TRANK1: variants seen among roughly 807,000 people sequenced by gnomAD.
TRANK1 encodes tetratricopeptide repeat and ankyrin repeat containing 1.
TRANK1 carries 198 observed loss-of-function variants against 266.0 expected under a neutral mutation model. The observed-to-expected ratio is 0.74, with a 90% CI of 0.66 to 0.84. The LOEUF is 0.84. Among genes scored for constraint, TRANK1 ranks in the 40% least tolerant of loss-of-function variants. The pLI is 0.00. For synonymous variants in TRANK1, 1,396 were observed against 1,384.1 expected (o/e 1.01, Z -0.19); for missense variants, 3,326 against 3,634.6 (o/e 0.92, Z 2.18).
chr3:36,900,142 G>A (rs921752069), intron 3 of TRANK1, among the ~76,000 whole-genome samples: 6 of 152,168 alleles, frequency 3.9e-5, no homozygotes, highest in Admixed American at 2.6e-4. Context: ...TATGAAGCCG[G>A]GGTGCAGTGC....
chr3:36,936,636 G>A (rs2080429261), intron 1 of TRANK1, among the ~76,000 whole-genome samples: 1 of 152,048 alleles, frequency 6.6e-6, no homozygotes, highest in Non-Finnish European at 1.5e-5. Flanking sequence ...CAAAAAAAAA[G>A]GATGAAGAGT....
At position 36,831,840 on chromosome 3, in the gene TRANK1, G is replaced by A; in HGVS notation, c.7743C>T (p.Cys2581=). The change falls in exon 22 of 24, where the codon TGC becomes TGT. Residue 2581 remains cysteine (C), a synonymous_variant. Transcript: ENST00000645898. This position sits in a 1 kb window ranked among gnomAD's most constrained non-coding sequence, Gnocchi z 5.0. ...VNAEEILQPY[C]KPLLYRHFRE... is the part of the protein sequence containing the mutation. ...GGAAGTGGCGATACAGGAGAGGCTT[G>A]CAGTATGGCTGCAGGATCTCCTCAG... 1 of 1,614,008 alleles carries A rather than the reference G, an allele frequency of 6.2e-7. No individual in the cohort carries two copies. Among genetic ancestry groups the A allele is most frequent in the Non-Finnish European group, 8.5e-7 (1 of 1,179,892 alleles).
At chr3:36,925,342 A>G (rs2080273007) in intron 1 of TRANK1, among the ~76,000 whole-genome samples, 1 of 152,192 alleles carries the variant, frequency 6.6e-6, no homozygotes, top group Non-Finnish European at 1.5e-5. Flanking sequence ...AACCTGCACC[A>G]TAGGGTTAAG....
chr3:36,925,842 C>T (rs2080281261), intron 1 of TRANK1, among the ~76,000 whole-genome samples: 1 of 152,100 alleles, frequency 6.6e-6, no homozygotes, highest in Non-Finnish European at 1.5e-5. Context: ...CCTTGGCCTC[C>T]CAAACTGTTG....
rs1316883699 is a variant in TRANK1, at chr3:36,858,796, C to T, written c.1594G>A (p.Ala532Thr). 29 of 1,537,092 alleles carry T rather than the reference C, an allele frequency of 1.9e-5. No individual in the cohort carries two copies. The highest frequency in any genetic ancestry group is 2.4e-5 in the East Asian group (1 of 40,932). The change falls in exon 12 of 24, where the codon GCA (alanine) becomes ACA (threonine). Residue 532 changes from alanine (A) to threonine (T), a missense_variant. Coordinates refer to ENST00000645898, the MANE Select transcript of TRANK1 (RefSeq NM_001329998.2). ...GTGAGAGAAATAGCACGGGGGTCTG[C>T]GCCCTTGGTCAAGAGAAGGAAAGCC... ...ELAFLLLTKGADPRAISLTEG... is the reference protein window; with the variant it reads ...ELAFLLLTKGTDPRAISLTEG...
At chr3:36,858,594 G>T (rs2079091325) in intron 12 of TRANK1, 124 bp downstream of exon 12, 11 of 1,192,016 alleles carry the variant, frequency 9.2e-6, no homozygotes, top group East Asian at 2.7e-5. Flanking sequence ...GGCAGGCCTG[G>T]CCAAGAAATG....
chr3:36,941,906 TC>T (rs2080501861), intron 1 of TRANK1, among the ~76,000 whole-genome samples: 1 of 152,190 alleles, frequency 6.6e-6, no homozygotes, highest in Admixed American at 6.5e-5. Flanking sequence ...CACTGACATG[TC>T]AGCCCCACCT....
At chr3:36,892,080 A>G (rs1039052101) in intron 7 of TRANK1, 122 bp downstream of exon 7, 8 of 1,200,448 alleles carry the variant, frequency 6.7e-6, no homozygotes, top group African/African-American at 4.6e-5. Flanking sequence ...TAATCAGATC[A>G]TTTGAATATT....
intron 6 of TRANK1, 35 bp downstream of exon 6, chr3:36,892,866 T>TATATAG (rs750978446): frequency 1.5e-6 from 1 of 651,010 alleles, no homozygotes; most frequent in Non-Finnish European, 2.1e-6. Context: ...TATATATATA[T>TATATAG]ATATAGATAT....
intron 8 of TRANK1, among the ~76,000 whole-genome samples, chr3:36,877,393 A>C (rs959061916): frequency 6.6e-6 from 1 of 152,166 alleles, no homozygotes; most frequent in Non-Finnish European, 1.5e-5. Flanking sequence ...AATTTAAATA[A>C]AATTAAAATG....
rs373334919 is a variant in TRANK1 at position 36,857,238 on chromosome 3, G to A, written c.2484C>T (p.Asp828=). ...STQEIEACLQ[D]FDNMTWEIEC... is the part of the protein sequence containing the mutation. Reference sequence around the variant, plus strand: ...CGATCTCCCAGGTCATGTTATCGAAGTCCTGGAGGCAGGCCTCAATCTCCT... The same window carrying A: ...CGATCTCCCAGGTCATGTTATCGAAATCCTGGAGGCAGGCCTCAATCTCCT... Residue 828 remains aspartate, a synonymous_variant, in exon 13 of 24, where the codon GAC becomes GAT. Transcript: ENST00000645898. This position sits in a 1 kb window ranked among gnomAD's most constrained non-coding sequence, Gnocchi z 4.3. The A allele has an allele frequency of 5.6e-6, 9 of 1,613,420 alleles. No individual in the cohort carries two copies. In the African/African-American group the frequency reaches 1.2e-4, roughly 22 times the overall value.
intron 15 of TRANK1, among the ~76,000 whole-genome samples, chr3:36,847,967 C>G (rs2078937566): frequency 6.6e-6 from 1 of 152,186 alleles, no homozygotes; most frequent in South Asian, 2.1e-4. Context: ...ATGTCTAGTA[C>G]AATGTTTAAT....
At chr3:36,863,332 AC>A (rs2079170351) in intron 10 of TRANK1, among the ~76,000 whole-genome samples, 1 of 152,216 alleles carries the variant, frequency 6.6e-6, no homozygotes, top group Admixed American at 6.5e-5. Flanking sequence ...TATTTTCACA[AC>A]CCTAAGTAAA....
intron 1 of TRANK1, among the ~76,000 whole-genome samples, chr3:36,913,183 AG>A (rs2080076926): frequency 6.6e-6 from 1 of 152,076 alleles, no homozygotes; most frequent in South Asian, 2.1e-4. Flanking sequence ...CTGGGATTAC[AG>A]GCGTGCGCCC....
chr3:36,856,071 C>T lies in TRANK1; in HGVS notation c.3651G>A (p.Lys1217=). 1.2e-6 allele frequency: 2 copies of T among 1,613,788 alleles called. No individual in the cohort carries two copies. Among genetic ancestry groups the T allele is most frequent in the East Asian group, 2.2e-5 (1 of 44,824 alleles). The stretch of plus-strand genomic sequence containing the variant: ...CCAGTGGTTTGTAATGACTAGTGGC[C>T]TTGGTGGACTTGGAAAGCTCAATGA... ...RNFIELSKST[K]ATSHYKPLDP... is the part of the protein sequence containing the mutation. Residue 1217 remains lysine (K), a synonymous_variant, in exon 13 of 24, where the codon AAG becomes AAA. Transcript: ENST00000645898.
rs2078693157 is a variant in TRANK1, at chr3:36,831,478, C to T, written c.8105G>A (p.Arg2702Gln). ...DEMDELALED[R>Q]DHVLATILSQ... ...AAGAATGGTGGCCAGGACGTGGTCT[C>T]GGTCTTCTAATGCCAGTTCATCCAT... Residue 2702 changes from arginine to glutamine, a missense_variant, in exon 22 of 24, where the codon CGA (arginine) becomes CAA (glutamine). By Grantham distance (43) the Arg-to-Gln change is conservative. Coordinates refer to ENST00000645898, the MANE Select transcript of TRANK1 (RefSeq NM_001329998.2). The surrounding 1 kb of genome is among the most constrained non-coding windows in gnomAD (Gnocchi z 5.0). 3 of 1,613,166 alleles carry T rather than the reference C, an allele frequency of 1.9e-6. No homozygotes were observed. The highest frequency in any genetic ancestry group is 1.3e-5 in the African/African-American group (1 of 75,020).
intron 11 of TRANK1, among the ~76,000 whole-genome samples, chr3:36,859,482 T>C (rs1299463580): frequency 6.6e-6 from 1 of 152,106 alleles, no homozygotes; most frequent in East Asian, 1.9e-4. Context: ...TGTGTTTTCA[T>C]TGTTCAACAG....
intron 8 of TRANK1, 62 bp downstream of exon 8, chr3:36,889,767 G>T: frequency 6.8e-7 from 1 of 1,476,330 alleles, no homozygotes; most frequent in Non-Finnish European, 9.0e-7. Flanking sequence ...TCGGTGGTGT[G>T]GGTCCTCAAA....
At position 36,923,179 on chromosome 3, in the gene TRANK1, A is replaced by C. The variant is rs1320333106; in HGVS notation, c.24-14725T>G. ...GTCAGCTCCTCTTCTGCTGATTCTG[A>C]CCGTTGCCCTCTTGTAACATATTTT... On this transcript the variant is annotated intron_variant, in intron 1 of 23. Transcript: ENST00000645898. 5.3e-5 allele frequency among the ~76,000 whole-genome samples: 8 copies of C among 151,702 alleles called. No individual in the cohort carries two copies. In the East Asian group the frequency reaches 1.5e-3, roughly 29 times the overall value.
Sources: allele counts gnomAD v4.1 joint callset (sites outside exome capture counted in the v4.1 genomes callset), GRCh38; gene constraint gnomAD v4.1.1; non-coding constraint Gnocchi (gnomAD v3.1); transcripts MANE v1.5; gene names NCBI Gene and HGNC (gene_info 2026-07-23, HGNC 2026-07-21).